The following CLNK variants were observed in gnomAD, a reference collection of about 807,000 sequenced individuals.
The protein encoded by CLNK is cytokine dependent hematopoietic cell linker.
A neutral mutation model predicts 68.6 loss-of-function variants in CLNK; 74 were observed. The observed-to-expected ratio is 1.08, with a 90% CI of 0.89 to 1.31. The LOEUF is 1.31. Among genes scored for constraint, CLNK ranks in the 50% most tolerant of loss-of-function variants. The pLI, the probability that CLNK is intolerant of heterozygous loss-of-function variation, is 0.00. For missense variants in CLNK, 553 were observed against 515.3 expected (o/e 1.07, Z -0.71); for synonymous variants, 198 against 172.2 (o/e 1.15, Z -1.17).
intron 2 of CLNK, among the ~76,000 whole-genome samples, chr4:10,633,057 C>T (rs1722950902): frequency 6.6e-6 from 1 of 152,184 alleles, no homozygotes; most frequent in Non-Finnish European, 1.5e-5. Flanking sequence ...CCTGTCTCAG[C>T]CTCCTGAGTA....
At chr4:10,712,233 T>C in the CLNK span, among the ~76,000 whole-genome samples, 187 of 152,234 alleles carry the variant, frequency 1.2e-3, no homozygotes, top group Non-Finnish European at 2.2e-3. Flanking sequence ...TGGTGATTTG[T>C]GGGGGCAGGT....
intron 8 of CLNK, among the ~76,000 whole-genome samples, chr4:10,554,140 T>C (rs1284966703): frequency 6.6e-6 from 1 of 152,252 alleles, no homozygotes; most frequent in Non-Finnish European, 1.5e-5. Flanking sequence ...CAGATGTCTC[T>C]GTTTTTAATT....
At chr4:10,731,424 G>A in the CLNK span, among the ~76,000 whole-genome samples, 3 of 152,040 alleles carry the variant, frequency 2.0e-5, no homozygotes, top group African/African-American at 7.2e-5. Context: ...CTCATGCAGG[G>A]GTTTTTAGCC....
chr4:10,581,644 C>T (rs1466147674), intron 4 of CLNK, among the ~76,000 whole-genome samples: 1 of 113,100 alleles, frequency 8.8e-6, no homozygotes, highest in Admixed American at 1.0e-4. Context: ...CCCGAGTCCC[C>T]AGGACCTTTA....
chr4:10,720,988 C>T, the CLNK span, among the ~76,000 whole-genome samples: 1 of 152,026 alleles, frequency 6.6e-6, no homozygotes, highest in Admixed American at 6.5e-5. Context: ...CTCAACAATA[C>T]AAAGGAATGA....
At chr4:10,690,112 A>C in the CLNK span, among the ~76,000 whole-genome samples, 2 of 152,172 alleles carry the variant, frequency 1.3e-5, no homozygotes, top group Non-Finnish European at 2.9e-5. Context: ...GGCTGCTAAG[A>C]AATAACTCCC....
chr4:10,667,769 G>T, intron 2 of CLNK, 90 bp downstream of exon 2: 1 of 1,269,344 alleles, frequency 7.9e-7, no homozygotes, highest in Non-Finnish European at 1.1e-6. Context: ...GGCCACATTG[G>T]CATCATTTCT....
intron 3 of CLNK, among the ~76,000 whole-genome samples, chr4:10,587,440 C>CCT (rs1188079679): frequency 2.0e-5 from 3 of 152,222 alleles, no homozygotes; most frequent in Non-Finnish European, 4.4e-5. Context: ...TAATCCCAGG[C>CCT]CTCTGCATTA....
At chr4:10,623,958 T>A (rs996479635) in intron 2 of CLNK, among the ~76,000 whole-genome samples, 1 of 152,224 alleles carries the variant, frequency 6.6e-6, no homozygotes, top group Non-Finnish European at 1.5e-5. Context: ...ATGTTAAATG[T>A]TACATGCAGC....
At chr4:10,497,581 C>G (rs1351875360) in intron 18 of CLNK, among the ~76,000 whole-genome samples, 1 of 152,166 alleles carries the variant, frequency 6.6e-6, no homozygotes, top group Non-Finnish European at 1.5e-5. Context: ...CCTTATTTGC[C>G]AAGATAGTCA....
intron 2 of CLNK, among the ~76,000 whole-genome samples, chr4:10,604,573 T>C (rs1721717920): frequency 6.6e-6 from 1 of 151,898 alleles, no homozygotes; most frequent in Non-Finnish European, 1.5e-5. Context: ...AAAAGGCTTC[T>C]TGTCACAGCT....
At chr4:10,688,840 T>G (rs932469631), upstream of CLNK, among the ~76,000 whole-genome samples, 3 of 152,174 alleles carry the variant, frequency 2.0e-5, no homozygotes, top group Admixed American at 6.5e-5. Flanking sequence ...TATCTCTGCT[T>G]TAAATATCAT....
At chr4:10,660,052 T>A (rs1724133238) in intron 2 of CLNK, among the ~76,000 whole-genome samples, 1 of 152,236 alleles carries the variant, frequency 6.6e-6, no homozygotes, top group Non-Finnish European at 1.5e-5. Flanking sequence ...CTGGACTTTA[T>A]TACTGATTTC....
intron 5 of CLNK, 97 bp downstream of exon 5, chr4:10,571,644 T>C: frequency 1.1e-5 from 11 of 1,030,578 alleles, no homozygotes; most frequent in South Asian, 4.1e-5. Flanking sequence ...CCTGTTACTG[T>C]TGATTTTTAA....
chr4:10,667,642 G>A (rs752422712), intron 2 of CLNK, among the ~76,000 whole-genome samples: 1 of 135,216 alleles, frequency 7.4e-6, no homozygotes, highest in Non-Finnish European at 1.6e-5. Context: ...CACCCATGCT[G>A]GGTGACAGCA....
rs893700795 is a variant in CLNK at position 10,542,200 on chromosome 4, C to T, written c.471+55G>A. 2.6e-5 allele frequency: 33 copies of T among 1,269,574 alleles called. No individual in the cohort carries two copies. The African/African-American group carries it at 4.8e-4, about 18-fold the overall frequency. 78.6% of individuals were successfully genotyped at this position (1,269,574 alleles called of 1,614,324 possible). ...CTGAGTTTTTGCATCATCTATATCTCTAGGCTTCTAAAGTAAATAATGAAT... is the reference window on the plus strand; with the variant it reads ...CTGAGTTTTTGCATCATCTATATCTTTAGGCTTCTAAAGTAAATAATGAAT... On this transcript the variant is annotated intron_variant, in intron 9 of 18. Coordinates refer to ENST00000226951, the MANE Select transcript of CLNK (RefSeq NM_052964.4).
At chr4:10,727,658 C>A in the CLNK span, among the ~76,000 whole-genome samples, 11 of 152,212 alleles carry the variant, frequency 7.2e-5, no homozygotes, top group Non-Finnish European at 1.6e-4. Context: ...GGTGAGGGGA[C>A]AGTCATCAGA....
chr4:10,701,574 G>A, the CLNK span, among the ~76,000 whole-genome samples: 4 of 152,208 alleles, frequency 2.6e-5, no homozygotes, highest in Non-Finnish European at 5.9e-5. Flanking sequence ...GCAGAGATAT[G>A]CATAAGGAGC....
the CLNK span, among the ~76,000 whole-genome samples, chr4:10,705,948 C>A: frequency 2.0e-5 from 3 of 152,332 alleles, no homozygotes; most frequent in East Asian, 5.8e-4. Flanking sequence ...AGCATCACTG[C>A]TTAAATATGT....
Sources: gnomAD v4.1 joint callset for allele counts (sites outside exome capture counted in the v4.1 genomes callset) on GRCh38, gnomAD v4.1.1 for gene constraint, MANE v1.5 for transcripts, NCBI Gene and HGNC (gene_info 2026-07-23, HGNC 2026-07-21) for gene names.